PDE3A: variants seen among roughly 807,000 people sequenced by gnomAD.
The protein encoded by PDE3A is cGMP-inhibited 3',5'-cyclic phosphodiesterase 3A.
PDE3A carries 43 observed loss-of-function variants against 98.3 expected under a neutral mutation model. That is an observed-to-expected ratio of 0.44 (90% CI 0.34 to 0.56). The LOEUF (loss-of-function observed/expected upper bound fraction) is 0.56. Ranked by LOEUF, PDE3A falls within the 20% of genes least tolerant of loss-of-function variation. The pLI, the probability that PDE3A is intolerant of heterozygous loss-of-function variation, is 0.01. For synonymous variants in PDE3A, 663 were observed against 567.9 expected (o/e 1.17, Z -2.38); for missense variants, 1,427 against 1,440.7 (o/e 0.99, Z 0.15).
At position 20,369,850 on chromosome 12, in the gene PDE3A, C is replaced by T. The variant is rs1166904979; in HGVS notation, c.566C>T (p.Pro189Leu). 2 of 1,611,940 alleles carry T rather than the reference C, an allele frequency of 1.2e-6. No individual in the cohort carries two copies. The highest frequency in any genetic ancestry group is 2.2e-5 in the East Asian group (1 of 44,786). Residue 189 changes from proline to leucine, a missense_variant, in exon 1 of 16, where the codon CCC becomes CTC. By Grantham distance (98) the Pro-to-Leu change is moderately conservative. This residue lies in a region of PDE3A where 1,012 missense variants were observed against 886.5 expected (regional missense o/e 1.14). Coordinates refer to ENST00000359062, the MANE Select transcript of PDE3A (RefSeq NM_000921.5). ...GVGEDHLLSL[P>L]AAGVVLSCLA... Reference sequence around the variant, plus strand: ...GGGGAGGATCACTTACTCTCACTCCCCGCCGCGGGGGTGGTGCTCAGCTGC... The same window carrying T: ...GGGGAGGATCACTTACTCTCACTCCTCGCCGCGGGGGTGGTGCTCAGCTGC...
intron 1 of PDE3A, among the ~76,000 whole-genome samples, chr12:20,455,527 T>C (rs1945139379): frequency 6.6e-6 from 1 of 152,156 alleles, no homozygotes; most frequent in Non-Finnish European, 1.5e-5. Context: ...TTCTGGCATG[T>C]AGTAGGCAGG....
chr12:20,592,168 G>A (rs1203655388), intron 2 of PDE3A, among the ~76,000 whole-genome samples: 1 of 152,114 alleles, frequency 6.6e-6, no homozygotes, highest in African/African-American at 2.4e-5. Context: ...GTTTAAAGAT[G>A]TTAGTTTGGA....
At chr12:20,418,901 AAT>A (rs1000840331) in intron 1 of PDE3A, among the ~76,000 whole-genome samples, 44 of 152,256 alleles carry the variant, frequency 2.9e-4, no homozygotes, top group African/African-American at 9.9e-4. Flanking sequence ...TATGCTTCTT[AAT>A]ATTCCGTATA....
chr12:20,622,592 G>A (rs1944163342), intron 5 of PDE3A, among the ~76,000 whole-genome samples: 1 of 152,072 alleles, frequency 6.6e-6, no homozygotes, highest in South Asian at 2.1e-4. Flanking sequence ...ATAAAATTGA[G>A]CTTTCATCAG....
intron 4 of PDE3A, 35 bp downstream of exon 4, chr12:20,616,419 A>G: frequency 6.3e-7 from 1 of 1,586,200 alleles, no homozygotes; most frequent in African/African-American, 1.3e-5. Flanking sequence ...AATGTCTCTT[A>G]GAGAAGTTAC....
chr12:20,512,687 A>G (rs925555343), intron 1 of PDE3A, among the ~76,000 whole-genome samples: 8 of 152,128 alleles, frequency 5.3e-5, no homozygotes, highest in Non-Finnish European at 8.8e-5. Flanking sequence ...GTTTCTGAGC[A>G]TCTTAGAGCC....
At chr12:20,603,783 C>T (rs1943650152) in intron 2 of PDE3A, among the ~76,000 whole-genome samples, 1 of 152,116 alleles carries the variant, frequency 6.6e-6, no homozygotes, top group Non-Finnish European at 1.5e-5. Context: ...CGCACTCTCA[C>T]AAGTCTTTAT....
chr12:20,379,421 C>G (rs1449277081), intron 1 of PDE3A, among the ~76,000 whole-genome samples: 1 of 151,664 alleles, frequency 6.6e-6, no homozygotes, highest in African/African-American at 2.4e-5. Context: ...AGGGAGAGAG[C>G]CTGCTGAACT....
intron 2 of PDE3A, among the ~76,000 whole-genome samples, chr12:20,568,748 A>T (rs1565591725): frequency 6.6e-6 from 1 of 152,038 alleles, no homozygotes; most frequent in East Asian, 1.9e-4. Context: ...AAACTTTTTC[A>T]TAATGTATAC....
chr12:20,419,945 G>A (rs997165777), intron 1 of PDE3A, among the ~76,000 whole-genome samples: 1 of 151,920 alleles, frequency 6.6e-6, no homozygotes, highest in Non-Finnish European at 1.5e-5. Context: ...CACCATGTTG[G>A]CCAGGCTAGT....
At chr12:20,642,331 C>A (rs1255145988) in intron 10 of PDE3A, among the ~76,000 whole-genome samples, 3 of 152,016 alleles carry the variant, frequency 2.0e-5, no homozygotes, top group Non-Finnish European at 4.4e-5. Context: ...AAAGTAATTT[C>A]ATGGTAGTAG....
At chr12:20,450,306 C>G (rs1156735637) in intron 1 of PDE3A, among the ~76,000 whole-genome samples, 1 of 152,220 alleles carries the variant, frequency 6.6e-6, no homozygotes. Flanking sequence ...TAGTCCCTGT[C>G]ATCCAGGGGC....
chr12:20,673,952 A>T (rs1199107913), intron 15 of PDE3A, among the ~76,000 whole-genome samples: 1 of 152,296 alleles, frequency 6.6e-6, no homozygotes, highest in East Asian at 1.9e-4. Flanking sequence ...CTTCAGATCC[A>T]TGATCATGGG....
intron 2 of PDE3A, among the ~76,000 whole-genome samples, chr12:20,569,575 C>T (rs1247703415): frequency 1.3e-5 from 2 of 151,876 alleles, no homozygotes; most frequent in Non-Finnish European, 2.9e-5. Flanking sequence ...AATTAATATG[C>T]CCCTCATAAT....
chr12:20,531,516 A>G (rs1290379020), intron 1 of PDE3A, among the ~76,000 whole-genome samples: 1 of 152,130 alleles, frequency 6.6e-6, no homozygotes. Flanking sequence ...TTGCTCCATC[A>G]TAAAATCCTT....
intron 1 of PDE3A, among the ~76,000 whole-genome samples, chr12:20,412,464 T>G (rs1944350786): frequency 6.6e-6 from 1 of 152,196 alleles, no homozygotes; most frequent in Non-Finnish European, 1.5e-5. Context: ...TTAATCTATA[T>G]TTTGTCTAGC....
chr12:20,632,844 A>T (rs1944411822), intron 6 of PDE3A, among the ~76,000 whole-genome samples: 1 of 152,174 alleles, frequency 6.6e-6, no homozygotes, highest in Admixed American at 6.5e-5. Flanking sequence ...AGCAAAACAT[A>T]AAATTCATAT....
intron 2 of PDE3A, among the ~76,000 whole-genome samples, chr12:20,566,844 G>A (rs930297280): frequency 6.6e-6 from 1 of 151,776 alleles, no homozygotes; most frequent in Non-Finnish European, 1.5e-5. Context: ...TTGGGTGACC[G>A]ACAGGTCTTA....
At chr12:20,489,389 T>G (rs1428873357) in intron 1 of PDE3A, among the ~76,000 whole-genome samples, 1 of 152,182 alleles carries the variant, frequency 6.6e-6, no homozygotes, top group Admixed American at 6.5e-5. Flanking sequence ...GAGGTGGGCA[T>G]GAGAAATGAC....
Sources: allele counts gnomAD v4.1 joint callset (sites outside exome capture counted in the v4.1 genomes callset), GRCh38; gene constraint gnomAD v4.1.1; regional missense constraint gnomAD v4.1.1; transcripts MANE v1.5; gene names NCBI Gene and HGNC (gene_info 2026-07-23, HGNC 2026-07-21).